Variants in LYRM4 observed in about 807,000 individuals in gnomAD.
LYRM4 encodes the protein LYR motif-containing protein 4.
In LYRM4, 9 loss-of-function variants were observed where a neutral mutation model predicts 11.7. That is an observed-to-expected ratio of 0.77 (90% CI 0.46 to 1.34). LYRM4 has a LOEUF of 1.34. Among genes scored for constraint, LYRM4 ranks in the 40% most tolerant of loss-of-function variants. LYRM4 has a pLI of 0.00. For missense variants in LYRM4, 133 were observed against 112.5 expected (o/e 1.18, Z -0.82); for synonymous variants, 42 against 40.4 (o/e 1.04, Z -0.15).
Position 5,152,315 on chromosome 6 carries a change from C to T in LYRM4, c.208-42824G>A, listed in dbSNP as rs79248516. ...GCAGGCAAGTATGTGATGCCAAAAG[C>T]ATTTCCTAGGAAAGCGGCAACTAAG... On this transcript the variant is annotated intron_variant, in intron 2 of 2. Coordinates refer to ENST00000330636, the MANE Select transcript of LYRM4 (RefSeq NM_020408.6). Among the ~76,000 whole-genome samples the T allele has an allele frequency of 2.0e-4, 31 of 152,254 alleles. 1 individual carries two copies. The highest frequency in any genetic ancestry group is 7.5e-4 in the African/African-American group (31 of 41,542).
At chr6:5,193,938 T>C (rs929562228) in intron 2 of LYRM4, among the ~76,000 whole-genome samples, 1 of 152,132 alleles carries the variant, frequency 6.6e-6, no homozygotes, top group Non-Finnish European at 1.5e-5. Context: ...TGGTTCATGC[T>C]TAATTTCAGC....
intron 1 of LYRM4, among the ~76,000 whole-genome samples, chr6:5,235,016 G>A (rs1180761276): frequency 6.6e-6 from 1 of 151,886 alleles, no homozygotes; most frequent in African/African-American, 2.4e-5. Flanking sequence ...TGTACCCGGG[G>A]ACTCACTGCA....
chr6:5,049,763 G>A, the LYRM4 span, among the ~76,000 whole-genome samples: 51 of 151,200 alleles, frequency 3.4e-4, no homozygotes, highest in East Asian at 6.5e-3. Flanking sequence ...TCCACCTCCC[G>A]GGTTCAAACG....
chr6:5,205,063 G>GGT (rs35612894), intron 2 of LYRM4, among the ~76,000 whole-genome samples: 2,657 of 152,312 alleles, frequency 0.017, 72 homozygotes, highest in African/African-American at 0.053. Context: ...AGGCACTGGG[G>GGT]ATCACAGTGA....
At chr6:5,201,198 C>T (rs1761373636) in intron 2 of LYRM4, among the ~76,000 whole-genome samples, 1 of 151,924 alleles carries the variant, frequency 6.6e-6, no homozygotes, top group African/African-American at 2.4e-5. Flanking sequence ...TATCAGTCTT[C>T]CTTTAGTTTT....
the LYRM4 span, chr6:5,066,045 T>C: frequency 2.6e-6 from 1 of 385,584 alleles, no homozygotes. Flanking sequence ...AGTTAATAGG[T>C]GTTAAGTTCT....
At chr6:5,235,438 T>C (rs1002281730) in intron 1 of LYRM4, among the ~76,000 whole-genome samples, 3 of 152,226 alleles carry the variant, frequency 2.0e-5, no homozygotes, top group Non-Finnish European at 4.4e-5. Context: ...TATATATCAA[T>C]AGACTAATAC....
intron 2 of LYRM4, among the ~76,000 whole-genome samples, chr6:5,208,511 G>A (rs1170457059): frequency 6.6e-6 from 1 of 152,156 alleles, no homozygotes; most frequent in Non-Finnish European, 1.5e-5. Context: ...GCCTTTTATG[G>A]GAGCACTCCA....
the LYRM4 span, chr6:5,066,856 C>T: frequency 1.5e-5 from 13 of 856,944 alleles, no homozygotes; most frequent in Admixed American, 4.1e-5. Context: ...TCAGACAGGC[C>T]ACGGCGGTTC....
downstream of LYRM4, among the ~76,000 whole-genome samples, chr6:5,099,643 A>G (rs981322359): frequency 6.6e-6 from 1 of 151,922 alleles, no homozygotes; most frequent in Non-Finnish European, 1.5e-5. The surrounding 1 kb of genome is among the most constrained non-coding windows in gnomAD (Gnocchi z 4.3). Flanking sequence ...GGGTCTTGCT[A>G]TGTTGCCCAG....
At chr6:5,034,195 G>GT in the LYRM4 span, 2 of 152,290 alleles carry the variant, frequency 1.3e-5, no homozygotes, top group African/African-American at 2.4e-5. Flanking sequence ...GCTGTTGGCA[G>GT]TAAGTTCAGT....
chr6:5,155,420 A>G (rs1249187127), intron 2 of LYRM4, among the ~76,000 whole-genome samples: 1 of 152,162 alleles, frequency 6.6e-6, no homozygotes, highest in East Asian at 1.9e-4. Flanking sequence ...GAAACAGGAC[A>G]GTTTTCAGAG....
chr6:5,107,736 TC>T (rs1285190142), downstream of LYRM4: 4 of 152,316 alleles, frequency 2.6e-5, no homozygotes, highest in African/African-American at 9.6e-5. Context: ...CAGGACTTTA[TC>T]CTGAAATTGG....
the LYRM4 span, among the ~76,000 whole-genome samples, chr6:5,060,743 G>C: frequency 6.6e-6 from 1 of 152,088 alleles, no homozygotes; most frequent in Non-Finnish European, 1.5e-5. Flanking sequence ...GCCCAGGCTG[G>C]TCTCGAACTC....
In LYRM4 at chr6:5,177,117, C is replaced by T. The variant is rs560113231; in HGVS notation, c.207+39501G>A. Reference sequence around the variant, plus strand: ...AAAAGTGCGAATACAGTTGCACCATCGACAGCTGCCAGAGGACTCTCAAGG... The same window carrying T: ...AAAAGTGCGAATACAGTTGCACCATTGACAGCTGCCAGAGGACTCTCAAGG... On this transcript the variant is annotated intron_variant, in intron 2 of 2. Transcript: ENST00000330636. Among the ~76,000 whole-genome samples the T allele has an allele frequency of 5.3e-5, 8 of 152,308 alleles. No homozygotes were observed. In the East Asian group the frequency reaches 7.7e-4, roughly 15 times the overall value.
At chr6:5,118,094 A>ATATATATTTT in intron 2 of LYRM4, among the ~76,000 whole-genome samples, 77 of 86,132 alleles carry the variant, frequency 8.9e-4, no homozygotes, top group African/African-American at 2.8e-3. Flanking sequence ...ATATATATAT[A>ATATATATTTT]TTTTTGTTTT....
At chr6:5,089,377 T>C in the LYRM4 span, 1 of 152,234 alleles carries the variant, frequency 6.6e-6, no homozygotes, top group East Asian at 1.9e-4. Context: ...AGTATACATA[T>C]GCTATAACAT....
chr6:5,157,486 G>C (rs533073333), intron 2 of LYRM4, among the ~76,000 whole-genome samples: 3 of 150,160 alleles, frequency 2.0e-5, no homozygotes, highest in South Asian at 4.2e-4. Flanking sequence ...CTGCAAACAG[G>C]AAGTACCTAA....
the LYRM4 span, among the ~76,000 whole-genome samples, chr6:5,057,543 C>T: frequency 6.8e-6 from 1 of 146,456 alleles, no homozygotes; most frequent in Admixed American, 6.8e-5. Flanking sequence ...ATGGTGAAAC[C>T]CCCATCTCTA....
Sources: allele counts gnomAD v4.1 joint callset (sites outside exome capture counted in the v4.1 genomes callset), GRCh38; gene constraint gnomAD v4.1.1; non-coding constraint Gnocchi (gnomAD v3.1); transcripts MANE v1.5; gene names NCBI Gene and HGNC (gene_info 2026-07-23, HGNC 2026-07-21).